Variants in SCN3A observed in about 807,000 individuals in gnomAD.
SCN3A encodes the protein sodium channel protein type 3 subunit alpha.
A neutral mutation model predicts 187.6 loss-of-function variants in SCN3A; 60 were observed. The ratio of observed to expected loss-of-function variants is 0.32; its 90% confidence interval spans 0.26 to 0.40. SCN3A has a LOEUF of 0.40. Ranked by LOEUF, SCN3A falls within the 10% of genes least tolerant of loss-of-function variation. The pLI, the probability that SCN3A is intolerant of heterozygous loss-of-function variation, is 1.00. For missense variants in SCN3A, 1,601 were observed against 2,428.2 expected, an observed-to-expected ratio of 0.66 and a Z score of 7.16; for synonymous variants, 788 against 829.2, an observed-to-expected ratio of 0.95 and a Z score of 0.85.
intron 11 of SCN3A, among the ~76,000 whole-genome samples, chr2:165,151,622 T>C (rs1420763997): frequency 6.6e-6 from 1 of 152,162 alleles, no homozygotes. Context: ...GACTATGATG[T>C]AGAGAGGAAG....
chr2:165,164,334 G>A, intron 6 of SCN3A, 58 bp downstream of exon 6: 1 of 1,607,626 alleles, frequency 6.2e-7, no homozygotes, highest in African/African-American at 1.3e-5. Flanking sequence ...CAAAGACCTT[G>A]TTTGTACTAT....
At chr2:165,173,133 AAGTTTACTAAAAGTTTTAC>A (rs1690218084) in intron 3 of SCN3A, among the ~76,000 whole-genome samples, 1 of 152,194 alleles carries the variant, frequency 6.6e-6, no homozygotes, top group Admixed American at 6.6e-5. Context: ...CACATCTTAT[AAGTTTACTAAAAGTTTTAC>A]TACTTTGTGG....
At chr2:165,096,571 A>G (rs759630658) in intron 23 of SCN3A, 51 bp from the exon 24 acceptor site, 1 of 1,301,104 alleles carries the variant, frequency 7.7e-7, no homozygotes, top group Middle Eastern at 1.8e-4. Context: ...CCTAACAATG[A>G]CATTTAACCA....
chr2:165,194,058 A>G (rs1691779831), intron 1 of SCN3A, among the ~76,000 whole-genome samples: 1 of 152,150 alleles, frequency 6.6e-6, no homozygotes, highest in South Asian at 2.1e-4. Flanking sequence ...ATAATGCAAT[A>G]TACTAGAAAA....
In SCN3A at chr2:165,090,065, C is replaced by T; in HGVS notation, c.*85G>A. 6.5e-7 allele frequency: 1 copy of T among 1,535,902 alleles called. No individual in the cohort carries two copies. The highest frequency in any genetic ancestry group is 8.8e-7 in the Non-Finnish European group (1 of 1,142,270). ...GTTAAAACAGTCAGTTTGGCATGGA[C>T]CTCCTCTTGAAGTCCAGTTGACACA... On this transcript the variant is annotated 3_prime_UTR_variant, in exon 28 of 28. Coordinates refer to ENST00000283254, the MANE Select transcript of SCN3A (RefSeq NM_006922.4). This position sits in a 1 kb window ranked among gnomAD's most constrained non-coding sequence, Gnocchi z 4.0.
intron 15 of SCN3A, among the ~76,000 whole-genome samples, chr2:165,134,373 G>A (rs954930693): frequency 9.2e-5 from 14 of 152,140 alleles, no homozygotes; most frequent in Admixed American, 4.6e-4. Flanking sequence ...TAGCATTTAC[G>A]AAGATAAATC....
Position 165,163,774 on chromosome 2 carries a change from C to G in SCN3A, c.603-65G>C, listed in dbSNP as rs374222758. Reference sequence around the variant, plus strand: ...AAGAAAAGTTGGAGATATAAGGGGCCTACTACCTTACACCAGTTTCTTCTT... The same window carrying G: ...AAGAAAAGTTGGAGATATAAGGGGCGTACTACCTTACACCAGTTTCTTCTT... On this transcript the variant is annotated intron_variant, in intron 6 of 27. Transcript: ENST00000283254. 401 of 1,612,716 alleles carry G rather than the reference C, an allele frequency of 2.5e-4. 4 individuals carry two copies. The Middle Eastern group carries it at 5.0e-3, about 20-fold the overall frequency.
At chr2:165,130,375 T>C (rs1052959721) in intron 16 of SCN3A, 79 bp from the exon 17 acceptor site, 2 of 1,467,112 alleles carry the variant, frequency 1.4e-6, no homozygotes, top group South Asian at 1.2e-5. Flanking sequence ...TGTGGTATCA[T>C]AGAACCACAC....
chr2:165,163,920 T>C, intron 6 of SCN3A: 3 of 1,601,790 alleles, frequency 1.9e-6, no homozygotes, highest in Non-Finnish European at 2.6e-6. Flanking sequence ...GAGTTACTGA[T>C]AGTTTTGGCA....
intron 2 of SCN3A, among the ~76,000 whole-genome samples, chr2:165,182,799 C>T (rs866624378): frequency 6.6e-6 from 1 of 151,806 alleles, no homozygotes; most frequent in Non-Finnish European, 1.5e-5. Context: ...TGTCTGGGCT[C>T]GGGTAAAGTT....
chr2:165,109,743 T>A lies in SCN3A; in HGVS notation c.3843+3142A>T, dbSNP rs993651178. Among the ~76,000 whole-genome samples the A allele has an allele frequency of 2.4e-4, 36 of 152,196 alleles. 1 individual carries two copies. Among genetic ancestry groups the A allele is most frequent in the African/African-American group, 8.7e-4 (36 of 41,460 alleles). ...TAACAGTAGGTCAGATCCCTGCTTA[T>A]CCTGCTGCTGGGGCTTCTCATGGTC... On this transcript the variant is annotated intron_variant, in intron 21 of 27. Coordinates refer to ENST00000283254, the MANE Select transcript of SCN3A (RefSeq NM_006922.4).
At chr2:165,150,019 A>C (rs1559233958) in intron 11 of SCN3A, among the ~76,000 whole-genome samples, 1 of 152,224 alleles carries the variant, frequency 6.6e-6, no homozygotes, top group African/African-American at 2.4e-5. Flanking sequence ...CTTAAGAGCT[A>C]CTATTTCGAA....
chr2:165,192,369 G>A (rs1218375795), intron 1 of SCN3A, among the ~76,000 whole-genome samples: 1 of 152,078 alleles, frequency 6.6e-6, no homozygotes, highest in Non-Finnish European at 1.5e-5. Context: ...CAGTGATTAA[G>A]CACTGGTCAC....
chr2:165,123,951 A>G (rs1022536293), intron 18 of SCN3A, among the ~76,000 whole-genome samples: 9 of 152,252 alleles, frequency 5.9e-5, no homozygotes, highest in African/African-American at 1.7e-4. Context: ...TTACCAAATC[A>G]TTCATATAAA....
At chr2:165,095,669 TAAATA>T (rs774941542) in intron 24 of SCN3A, 21 bp from the exon 25 acceptor site, 1 of 1,228,516 alleles carries the variant, frequency 8.1e-7, no homozygotes, top group Admixed American at 1.7e-5. Flanking sequence ...TTGAAAATAT[TAAATA>T]ATATGAAAAA....
At chr2:165,156,979 C>T (rs1689093131) in intron 9 of SCN3A, among the ~76,000 whole-genome samples, 2 of 152,010 alleles carry the variant, frequency 1.3e-5, no homozygotes, top group Admixed American at 6.6e-5. Flanking sequence ...GGTGCAATCT[C>T]GGCTCAATGC....
intron 1 of SCN3A, among the ~76,000 whole-genome samples, chr2:165,195,892 T>A (rs530782393): frequency 6.6e-6 from 1 of 152,280 alleles, no homozygotes; most frequent in South Asian, 2.1e-4. Context: ...ACTTTTCATT[T>A]ACCTTCATGC....
rs1685421754 is a variant in SCN3A at position 165,097,656 on chromosome 2, T to A, written c.3967-132A>T. Reference sequence around the variant, plus strand: ...AAATCTAGGTGGACAAGTTGTTTCTTCTAATTTTTCTAGCACATATTTGAA... The same window carrying A: ...AAATCTAGGTGGACAAGTTGTTTCTACTAATTTTTCTAGCACATATTTGAA... On this transcript the variant is annotated intron_variant, in intron 22 of 27. Transcript: ENST00000283254. 2.7e-6 allele frequency: 3 copies of A among 1,124,794 alleles called. No individual in the cohort carries two copies. In the Admixed American group the frequency reaches 6.3e-5, roughly 23 times the overall value. The allele number at this position is 1,124,794 out of a possible 1,614,324, so 69.7% of individuals were successfully genotyped here. A position where few individuals can be genotyped will look rare whatever the true frequency, so the allele number is the denominator to read the frequency against.
In SCN3A at chr2:165,164,493, A is replaced by C. The variant is rs757345466; in HGVS notation, c.501T>G (p.Phe167Leu). The change falls in exon 6 of 28, where the codon TTT becomes TTG. Residue 167 changes from phenylalanine to leucine, a missense_variant. Transcript: ENST00000283254. Reference protein sequence around the residue: ...VEYTFTGIYTFESLIKILARG... With the variant: ...VEYTFTGIYTLESLIKILARG... ...TTGCCAAGATTTTTATAAGTGACTCAAAGGTATAGATTCCAGTGAATGTGT... is the reference window on the plus strand; with the variant it reads ...TTGCCAAGATTTTTATAAGTGACTCCAAGGTATAGATTCCAGTGAATGTGT... 162 of 1,613,686 alleles carry C rather than the reference A, an allele frequency of 1.0e-4. No homozygotes were observed. The highest frequency in any genetic ancestry group is 1.3e-4 in the Non-Finnish European group (157 of 1,179,808).
Sources: allele counts gnomAD v4.1 joint callset (sites outside exome capture counted in the v4.1 genomes callset), GRCh38; gene constraint gnomAD v4.1.1; non-coding constraint Gnocchi (gnomAD v3.1); transcripts MANE v1.5; gene names NCBI Gene and HGNC (gene_info 2026-07-23, HGNC 2026-07-21).